Variants in DNMT1 observed in about 807,000 individuals in gnomAD.
DNMT1 encodes DNA methyltransferase 1.
DNMT1 carries 24 observed loss-of-function variants against 205.3 expected under a neutral mutation model. The ratio of observed to expected loss-of-function variants is 0.12; its 90% confidence interval spans 0.08 to 0.16. The LOEUF (loss-of-function observed/expected upper bound fraction) is 0.16, where lower values mean the gene tolerates loss of function less well. Ranked by LOEUF, DNMT1 falls within the 10% of genes least tolerant of loss-of-function variation. The probability of loss-of-function intolerance (pLI) is 1.00; values close to 1 mark genes in which losing one functional copy is unlikely to be tolerated. For synonymous variants in DNMT1, 817 were observed against 839.8 expected (o/e 0.97, Z 0.47); for missense variants, 1,293 against 2,177.7 (o/e 0.59, Z 8.09).
rs1436165176 is a variant in DNMT1, at chr19:10,159,797, G to A, written c.1171-30C>T. 10 of 1,614,108 alleles carry A rather than the reference G, an allele frequency of 6.2e-6. No homozygotes were observed. The highest frequency in any genetic ancestry group is 1.7e-5 in the Admixed American group (1 of 59,998). On this transcript the variant is annotated intron_variant, in intron 16 of 40. Coordinates refer to ENST00000359526, the MANE Select transcript of DNMT1 (RefSeq NM_001130823.3). The surrounding 1 kb of genome is among the most constrained non-coding windows in gnomAD (Gnocchi z 5.0). ...AGGACACGGGGCTGGTGAGCAGTGG[G>A]ACAAGGGACAGGCAGAGGAAGGCTG... is the stretch of plus-strand genomic sequence containing the variant.
In DNMT1 at chr19:10,140,157, T is replaced by C; in HGVS notation, c.3695A>G (p.Asp1232Gly). The C allele has an allele frequency of 6.2e-7, 1 of 1,613,842 alleles. No homozygotes were observed. Among genetic ancestry groups the C allele is most frequent in the Non-Finnish European group, 8.5e-7 (1 of 1,180,014 alleles). ...SRGQRLPQKG[D>G]VEMLCGGPPC... Reference sequence around the variant, plus strand: ...CGGCCCGCCGCACAGCATCTCCACGTCTCCCTTCTGGGGCAGCCGCTGGCC... The same window carrying C: ...CGGCCCGCCGCACAGCATCTCCACGCCTCCCTTCTGGGGCAGCCGCTGGCC... Residue 1232 changes from aspartate to glycine, a missense_variant, in exon 33 of 41, where the codon GAC becomes GGC. This residue lies in a region of DNMT1 where 24 missense variants were observed against 27.2 expected (regional missense o/e 0.88). Transcript: ENST00000359526. This position sits in a 1 kb window ranked among gnomAD's most constrained non-coding sequence, Gnocchi z 8.4.
In DNMT1 at chr19:10,166,603, C is replaced by T. The variant is rs891770194; in HGVS notation, c.886G>A (p.Glu296Lys). ...VQADEDEDGD[E>K]KDEKKHRSQP... ...AACAAATAACCCGCCTTTACTTTCT[C>T]GTCTCCATCTTCGTCCTCGTCAGCC... The change falls in exon 11 of 41, where the codon GAG (glutamate) becomes AAG (lysine). Residue 296 changes from glutamate to lysine, a missense_variant. This residue lies in a region of DNMT1 where 394 missense variants were observed against 451.6 expected (regional missense o/e 0.87). Transcript: ENST00000359526. 25 of 1,614,018 alleles carry T rather than the reference C, an allele frequency of 1.5e-5. No individual in the cohort carries two copies. Among genetic ancestry groups the T allele is most frequent in the Middle Eastern group, 1.6e-4 (1 of 6,082 alleles).
At position 10,180,778 on chromosome 19, in the gene DNMT1, C is replaced by T; in HGVS notation, c.225G>A (p.Glu75=). 6.2e-7 allele frequency: 1 copy of T among 1,613,852 alleles called. No individual in the cohort carries two copies. Among genetic ancestry groups the T allele is most frequent in the South Asian group, 1.1e-5 (1 of 91,070 alleles). The change falls in exon 3 of 41, where the codon GAG becomes GAA. Residue 75 remains glutamate (E), a splice_region_variant and synonymous_variant. Transcript: ENST00000359526. The part of the protein sequence containing the change: ...ETKLRKEELS[E]EGYLAKVKSL... ...GCTAGGATGCTGAGAACTGACTTAC[C>T]TCGGATAATTCTTCTTTACGTAATT...
intron 19 of DNMT1, 74 bp from the exon 20 acceptor site, chr19:10,155,130 G>A: frequency 6.3e-7 from 1 of 1,594,372 alleles, no homozygotes; most frequent in Non-Finnish European, 8.6e-7. Flanking sequence ...GGGCATGGAG[G>A]AGTCTACCAA....
chr19:10,177,933 TAAA>T (rs937561804), intron 5 of DNMT1, among the ~76,000 whole-genome samples: 4 of 115,018 alleles, frequency 3.5e-5, no homozygotes, highest in Non-Finnish European at 5.6e-5. Flanking sequence ...CCCTGTCTCT[TAAA>T]AAAAAAAAAA....
Position 10,151,373 on chromosome 19 carries a change from C to A in DNMT1, c.2265+25G>T, listed in dbSNP as rs779300886. Reference sequence around the variant, plus strand: ...TGCTTATTGGGAACATGGCAGTGAGCTGACCAAGGGGCTCCAAGGGTTACC... The same window carrying A: ...TGCTTATTGGGAACATGGCAGTGAGATGACCAAGGGGCTCCAAGGGTTACC... On this transcript the variant is annotated intron_variant, in intron 24 of 40. Transcript: ENST00000359526. The surrounding 1 kb of genome is among the most constrained non-coding windows in gnomAD (Gnocchi z 5.0). 2 of 1,610,112 alleles carry A rather than the reference C, an allele frequency of 1.2e-6. No homozygotes were observed. Among genetic ancestry groups the A allele is most frequent in the African/African-American group, 2.7e-5 (2 of 74,896 alleles).
At position 10,138,184 on chromosome 19, in the gene DNMT1, G is replaced by A. The variant is rs1418290158; in HGVS notation, c.4116-175C>T. ...ATCTGGAAGGGGGGATGGGGCTATG[G>A]CGTGGGCTTTGTGGATGACCACAGC... On this transcript the variant is annotated intron_variant, in intron 35 of 40. Transcript: ENST00000359526. This position sits in a 1 kb window ranked among gnomAD's most constrained non-coding sequence, Gnocchi z 4.1. Among the ~76,000 whole-genome samples the A allele has an allele frequency of 6.6e-6, 1 of 152,270 alleles. No homozygotes were observed. Among genetic ancestry groups the A allele is most frequent in the African/African-American group, 2.4e-5 (1 of 41,476 alleles).
At chr19:10,155,084 A>G (rs1246621314) in intron 19 of DNMT1, 28 bp from the exon 20 acceptor site, 3 of 1,613,294 alleles carry the variant, frequency 1.9e-6, no homozygotes, top group East Asian at 4.5e-5. Context: ...GGTGTGGAAA[A>G]GGGGCTGGAA....
chr19:10,135,421 T>C, intron 39 of DNMT1: 1 of 432,210 alleles, frequency 2.3e-6, no homozygotes, highest in Non-Finnish European at 4.4e-6. Context: ...ATTAAGGTGC[T>C]AGTTCATTTG....
In DNMT1 at chr19:10,151,468, T is replaced by C; in HGVS notation, c.2195A>G (p.Lys732Arg). ...CTTCTTCTTCCCCTGGTGCATTTTT[T>C]TGGGTGACGGCATCTCTGGGATGTT... ...DDNIPEMPSPKKMHQGKKKKQ... is the reference protein window; with the variant it reads ...DDNIPEMPSPRKMHQGKKKKQ... The change falls in exon 24 of 41, where the codon AAA becomes AGA. Residue 732 changes from lysine (K) to arginine (R), a missense_variant. Physicochemically the swap from Lys to Arg is conservative, Grantham distance 26 (BLOSUM62 2). Around this residue, in one of 13 missense-constraint regions of DNMT1, gnomAD observed 197 missense variants for 353.6 expected, o/e 0.56. Coordinates refer to ENST00000359526, the MANE Select transcript of DNMT1 (RefSeq NM_001130823.3). The surrounding 1 kb of genome is among the most constrained non-coding windows in gnomAD (Gnocchi z 5.0). The C allele has an allele frequency of 6.2e-7, 1 of 1,614,142 alleles. No individual in the cohort carries two copies. Among genetic ancestry groups the C allele is most frequent in the Non-Finnish European group, 8.5e-7 (1 of 1,180,028 alleles).
Position 10,156,191 on chromosome 19 carries a change from A to G in DNMT1, c.1399+200T>C, listed in dbSNP as rs1306685453. ...TATTTATACATATATATAAGTATAT[A>G]TGTATACTATATATATATGCTATAT... On this transcript the variant is annotated intron_variant, in intron 18 of 40. Coordinates refer to ENST00000359526, the MANE Select transcript of DNMT1 (RefSeq NM_001130823.3). The surrounding 1 kb of genome is among the most constrained non-coding windows in gnomAD (Gnocchi z 4.2). Among the ~76,000 whole-genome samples the G allele has an allele frequency of 6.6e-6, 1 of 150,614 alleles. No homozygotes were observed. The highest frequency in any genetic ancestry group is 2.4e-5 in the African/African-American group (1 of 41,086).
intron 24 of DNMT1, 35 bp from the exon 25 acceptor site, chr19:10,150,003 T>C: frequency 6.3e-7 from 1 of 1,590,246 alleles, no homozygotes; most frequent in Non-Finnish European, 8.6e-7. Context: ...GGAGGATCAT[T>C]CTGAGGGTCT....
At chr19:10,189,836 C>T (rs1428946886) in intron 1 of DNMT1, among the ~76,000 whole-genome samples, 2 of 152,158 alleles carry the variant, frequency 1.3e-5, no homozygotes, top group East Asian at 1.9e-4. Flanking sequence ...CCACTGTACA[C>T]ACAGTACCAC....
intron 19 of DNMT1, among the ~76,000 whole-genome samples, 190 bp downstream of exon 19, chr19:10,155,663 G>T (rs1490391694): frequency 6.6e-6 from 1 of 151,958 alleles, no homozygotes; most frequent in Non-Finnish European, 1.5e-5. Flanking sequence ...CTTACAACTG[G>T]AGAGTCAGTT....
chr19:10,192,853 C>T (rs985889671), intron 1 of DNMT1, among the ~76,000 whole-genome samples: 5 of 152,104 alleles, frequency 3.3e-5, no homozygotes, highest in Non-Finnish European at 7.4e-5. Context: ...TCGAGACCAG[C>T]CTGACCAACA....
At chr19:10,134,018 G>A (rs1021258338) in intron 40 of DNMT1, among the ~76,000 whole-genome samples, 199 bp downstream of exon 40, 3 of 152,238 alleles carry the variant, frequency 2.0e-5, no homozygotes, top group Admixed American at 6.5e-5. Flanking sequence ...CCTGCTGTGT[G>A]CAGCACGCCT....
At chr19:10,145,344 C>G (rs1054519123) in intron 28 of DNMT1, among the ~76,000 whole-genome samples, 3 of 152,152 alleles carry the variant, frequency 2.0e-5, no homozygotes, top group African/African-American at 7.2e-5. Context: ...GAGGGGGTAA[C>G]GCGCCCCAAC....
In DNMT1 at chr19:10,156,096, A is replaced by C. The variant is rs1408873900; in HGVS notation, c.1400-151T>G. The C allele has an allele frequency of 5.2e-6, 4 of 765,448 alleles. No homozygotes were observed. Among genetic ancestry groups the C allele is most frequent in the Non-Finnish European group, 8.8e-6 (4 of 453,906 alleles). 47.4% of individuals were successfully genotyped at this position (765,448 alleles called of 1,614,324 possible). ...CTTGGCCTACAGCTGCTCCTGGCAC[A>C]AAGTCTCACACCCTAACTTTAAGAG... On this transcript the variant is annotated intron_variant, in intron 18 of 40. Coordinates refer to ENST00000359526, the MANE Select transcript of DNMT1 (RefSeq NM_001130823.3). This position sits in a 1 kb window ranked among gnomAD's most constrained non-coding sequence, Gnocchi z 4.2.
rs770147435 is a variant in DNMT1, at chr19:10,141,142, G to T, written c.3357C>A (p.Ala1119=). ...SKSFEDPPNH[A]RSPGNKGKGK... ...CCTTCCCTTTGTTTCCAGGGCTACG[G>T]GCATGGTTGGGAGGATCTTCAAAGC... The change falls in exon 31 of 41, where the codon GCC becomes GCA. Residue 1119 remains alanine, a synonymous_variant. Transcript: ENST00000359526. 11 of 1,614,038 alleles carry T rather than the reference G, an allele frequency of 6.8e-6. No homozygotes were observed. The East Asian group carries it at 2.5e-4, about 36-fold the overall frequency.
Sources: allele counts gnomAD v4.1 joint callset (sites outside exome capture counted in the v4.1 genomes callset), GRCh38; gene constraint gnomAD v4.1.1; regional missense constraint gnomAD v4.1.1; non-coding constraint Gnocchi (gnomAD v3.1); transcripts MANE v1.5; gene names NCBI Gene and HGNC (gene_info 2026-07-23, HGNC 2026-07-21).